The following ADCK1 variants were observed in gnomAD, a reference collection of about 807,000 sequenced individuals.
ADCK1 encodes the protein aarF domain-containing protein kinase 1.
In ADCK1, 41 loss-of-function variants were observed where a neutral mutation model predicts 52.3. That is an observed-to-expected ratio of 0.78 (90% CI 0.61 to 1.02). The LOEUF (loss-of-function observed/expected upper bound fraction) is 1.02. Among genes scored for constraint, ADCK1 ranks in the 50% least tolerant of loss-of-function variants. The probability of loss-of-function intolerance (pLI) is 0.00; values close to 1 mark genes in which losing one functional copy is unlikely to be tolerated. For synonymous variants in ADCK1, 250 were observed against 274.6 expected (o/e 0.91, Z 0.89); for missense variants, 658 against 679.5 (o/e 0.97, Z 0.35).
intron 3 of ADCK1, among the ~76,000 whole-genome samples, chr14:77,834,679 G>C (rs2081926247): frequency 6.6e-6 from 1 of 152,238 alleles, no homozygotes; most frequent in Non-Finnish European, 1.5e-5. Context: ...TCAGCACACA[G>C]TTCCTCTCGT....
chr14:77,846,328 A>G (rs138469746), intron 3 of ADCK1, among the ~76,000 whole-genome samples: 35 of 152,276 alleles, frequency 2.3e-4, no homozygotes, highest in South Asian at 8.3e-4. Context: ...AAGCTATGCT[A>G]TGGTCCTCTC....
At chr14:77,844,768 C>T (rs1311701824) in intron 3 of ADCK1, among the ~76,000 whole-genome samples, 1 of 152,096 alleles carries the variant, frequency 6.6e-6, no homozygotes, top group Non-Finnish European at 1.5e-5. Context: ...CTTTAGAACC[C>T]CAGTAACAGT....
intron 1 of ADCK1, among the ~76,000 whole-genome samples, chr14:77,810,700 T>G (rs918528501): frequency 4.6e-5 from 7 of 151,972 alleles, no homozygotes; most frequent in African/African-American, 1.7e-4. Flanking sequence ...CTGGCTAATT[T>G]GTTTGTATTT....
At chr14:77,899,055 G>T in intron 5 of ADCK1, 45 bp from the exon 6 acceptor site, 1 of 1,610,788 alleles carries the variant, frequency 6.2e-7, no homozygotes. Flanking sequence ...ATGTCCCTTG[G>T]TATATGCTGT....
At chr14:77,890,012 T>C (rs939111036) in intron 5 of ADCK1, among the ~76,000 whole-genome samples, 3 of 151,656 alleles carry the variant, frequency 2.0e-5, no homozygotes, top group Non-Finnish European at 4.4e-5. Flanking sequence ...GTCAGAGAGA[T>C]TGGAGGAAAA....
At chr14:77,859,347 T>C in intron 4 of ADCK1, 68 bp downstream of exon 4, 1 of 1,501,436 alleles carries the variant, frequency 6.7e-7, no homozygotes, top group East Asian at 2.4e-5. Flanking sequence ...GCTGAATTCT[T>C]GCAGCCTCGA....
chr14:77,862,787 G>A (rs1226546058), intron 4 of ADCK1, among the ~76,000 whole-genome samples: 2 of 152,182 alleles, frequency 1.3e-5, no homozygotes, highest in African/African-American at 2.4e-5. Flanking sequence ...GGATGGGTAC[G>A]ACCTCATTCC....
rs113020631 is a variant in ADCK1, at chr14:77,920,457, G to A, written c.859-4000G>A. On this transcript the variant is annotated intron_variant, in intron 7 of 10. Transcript: ENST00000238561. ...TCTCTATTCTGTTCCATCGGTCTAC[G>A]TGCTTATTTTTATACCAGTACCATG... 2.4e-4 allele frequency among the ~76,000 whole-genome samples: 37 copies of A among 152,196 alleles called. 1 individual carries two copies. Among genetic ancestry groups the A allele is most frequent in the African/African-American group, 5.1e-4 (21 of 41,520 alleles).
chr14:77,902,097 A>T (rs2140245221), intron 6 of ADCK1, among the ~76,000 whole-genome samples: 1 of 152,336 alleles, frequency 6.6e-6, no homozygotes, highest in East Asian at 1.9e-4. Context: ...TTTTGAAGAC[A>T]TCATGAGAAA....
At chr14:77,852,685 A>T (rs1375660306) in intron 3 of ADCK1, among the ~76,000 whole-genome samples, 7 of 88,070 alleles carry the variant, frequency 7.9e-5, no homozygotes, top group South Asian at 3.4e-4. Flanking sequence ...ATATATATAT[A>T]TATATATATA....
At chr14:77,908,136 A>T in intron 7 of ADCK1, 1 of 429,868 alleles carries the variant, frequency 2.3e-6, no homozygotes, top group East Asian at 4.2e-5. Flanking sequence ...GACATGCTGA[A>T]CCCCTTCTGC....
In ADCK1 at chr14:77,899,193, T is replaced by A. The variant is rs1051442070; in HGVS notation, c.676T>A (p.Phe226Ile). ...AKKNLPLELDFLNEGRNAEKV... is the reference protein window; with the variant it reads ...AKKNLPLELDILNEGRNAEKV... ...GAAGAACCTGCCTTTGGAGCTGGAT[T>A]TCCTCAATGAAGGGAGGAATGCTGA... The change falls in exon 6 of 11, where the codon TTC becomes ATC. Residue 226 changes from phenylalanine (F) to isoleucine (I), a missense_variant. By Grantham distance (21) the Phe-to-Ile change is conservative. Transcript: ENST00000238561. 6.2e-7 allele frequency: 1 copy of A among 1,614,074 alleles called. No individual in the cohort carries two copies. Among genetic ancestry groups the A allele is most frequent in the Non-Finnish European group, 8.5e-7 (1 of 1,180,034 alleles).
At chr14:77,852,166 T>C (rs1475463441) in intron 3 of ADCK1, among the ~76,000 whole-genome samples, 1 of 152,102 alleles carries the variant, frequency 6.6e-6, no homozygotes, top group Non-Finnish European at 1.5e-5. Flanking sequence ...GCCTGGCTAA[T>C]TTTTATATTC....
chr14:77,884,156 C>CAG (rs1295548964), intron 4 of ADCK1, among the ~76,000 whole-genome samples: 3 of 152,196 alleles, frequency 2.0e-5, no homozygotes, highest in Middle Eastern at 3.2e-3. Context: ...AGCACATGTT[C>CAG]CTGGGAGTCA....
rs115805078 is a variant in ADCK1 at position 77,917,354 on chromosome 14, A to T, written c.859-7103A>T. Reference sequence around the variant, plus strand: ...ACCTCCTTATAGTTAATATCAGGCTACTCATGTGATTATCAATATCCTGTA... The same window carrying T: ...ACCTCCTTATAGTTAATATCAGGCTTCTCATGTGATTATCAATATCCTGTA... On this transcript the variant is annotated intron_variant, in intron 7 of 10. Coordinates refer to ENST00000238561, the MANE Select transcript of ADCK1 (RefSeq NM_020421.4). 3.8e-3 allele frequency among the ~76,000 whole-genome samples: 575 copies of T among 152,278 alleles called. 5 individuals are homozygous for T. Among genetic ancestry groups the T allele is most frequent in the African/African-American group, 0.013 (528 of 41,548 alleles).
At chr14:77,823,665 T>C (rs2081629997) in intron 3 of ADCK1, among the ~76,000 whole-genome samples, 1 of 151,660 alleles carries the variant, frequency 6.6e-6, no homozygotes, top group South Asian at 2.1e-4. Flanking sequence ...CTCCGTTTCC[T>C]GGATTCAAGT....
At chr14:77,820,012 A>G (rs1368023287) in intron 2 of ADCK1, among the ~76,000 whole-genome samples, 2 of 152,216 alleles carry the variant, frequency 1.3e-5, no homozygotes, top group African/African-American at 2.4e-5. Flanking sequence ...ACTTTGGATA[A>G]TCAGGCTACG....
chr14:77,826,273 C>T (rs568045606), intron 3 of ADCK1, among the ~76,000 whole-genome samples: 1 of 152,290 alleles, frequency 6.6e-6, no homozygotes, highest in African/African-American at 2.4e-5. Context: ...CCCTTCTCGT[C>T]AGTGTGGCTG....
intron 4 of ADCK1, among the ~76,000 whole-genome samples, chr14:77,880,174 C>T (rs2140188702): frequency 6.6e-6 from 1 of 152,310 alleles, no homozygotes; most frequent in East Asian, 1.9e-4. Flanking sequence ...TACCTGTCAG[C>T]CGCTGGTCAT....
Sources: allele counts gnomAD v4.1 joint callset (sites outside exome capture counted in the v4.1 genomes callset), GRCh38; gene constraint gnomAD v4.1.1; transcripts MANE v1.5; gene names NCBI Gene and HGNC (gene_info 2026-07-23, HGNC 2026-07-21).